FAM171A1: variants seen among roughly 807,000 people sequenced by gnomAD.
FAM171A1 encodes protein FAM171A1.
In FAM171A1, 23 loss-of-function variants were observed where a neutral mutation model predicts 74.9. The ratio of observed to expected loss-of-function variants is 0.31; its 90% CI spans 0.22 to 0.44. The LOEUF (loss-of-function observed/expected upper bound fraction) is 0.44. FAM171A1 is among the 20% of genes least tolerant of loss of function. The pLI is 1.00. For synonymous variants in FAM171A1, 527 were observed against 505.7 expected (o/e 1.04, Z -0.57); for missense variants, 1,162 against 1,159.2 (o/e 1.00, Z -0.03).
At chr10:15,226,123 CA>C (rs1428255783) in intron 5 of FAM171A1, among the ~76,000 whole-genome samples, 1 of 152,200 alleles carries the variant, frequency 6.6e-6, no homozygotes, top group Non-Finnish European at 1.5e-5. Flanking sequence ...GTGGTGAAGG[CA>C]AGCAGGACCC....
chr10:15,282,320 G>A (rs1834980401), intron 2 of FAM171A1, among the ~76,000 whole-genome samples: 1 of 152,192 alleles, frequency 6.6e-6, no homozygotes, highest in African/African-American at 2.4e-5. Context: ...AAACATGTGT[G>A]TTCGATCAGC....
chr10:15,226,183 A>G (rs1050592778), intron 5 of FAM171A1, among the ~76,000 whole-genome samples: 7 of 152,208 alleles, frequency 4.6e-5, no homozygotes, highest in African/African-American at 1.7e-4. Flanking sequence ...CTTCCTGCAG[A>G]AGCCGCACCA....
At chr10:15,248,411 T>A (rs924883229) in intron 5 of FAM171A1, among the ~76,000 whole-genome samples, 4 of 152,198 alleles carry the variant, frequency 2.6e-5, no homozygotes, top group Admixed American at 2.0e-4. Context: ...TTAGGTTAAA[T>A]GTGCAAAACA....
chr10:15,278,642 G>A (rs959379541), intron 2 of FAM171A1, among the ~76,000 whole-genome samples: 8 of 152,118 alleles, frequency 5.3e-5, no homozygotes, highest in Non-Finnish European at 1.2e-4. Context: ...AGCGAAAGAC[G>A]CCAGACACAA....
rs1199703221 is a variant in FAM171A1 at position 15,283,871 on chromosome 10, G to A, written c.325+7C>T. On this transcript the variant is annotated splice_region_variant and intron_variant, in intron 2 of 7. Coordinates refer to ENST00000378116, the MANE Select transcript of FAM171A1 (RefSeq NM_001010924.2). ...TCTGTGTTAAAGAAAGATGAGGAAC[G>A]CCTTACCAGGTAACCGGATTGGCTT... 4 of 1,613,530 alleles carry A rather than the reference G, an allele frequency of 2.5e-6. No homozygotes were observed. The highest frequency in any genetic ancestry group is 2.7e-5 in the African/African-American group (2 of 74,922).
chr10:15,310,358 TA>T (rs1336279310), intron 1 of FAM171A1, among the ~76,000 whole-genome samples: 2 of 152,152 alleles, frequency 1.3e-5, no homozygotes, highest in African/African-American at 4.8e-5. Flanking sequence ...TGGGTTGTTG[TA>T]AAGGAAAGGG....
chr10:15,295,217 C>A (rs188283321), intron 1 of FAM171A1, among the ~76,000 whole-genome samples: 2 of 152,122 alleles, frequency 1.3e-5, no homozygotes, highest in East Asian at 3.9e-4. Context: ...GGATTATAGG[C>A]GTGAGCCACC....
chr10:15,337,045 T>C (rs1564283691), intron 1 of FAM171A1, among the ~76,000 whole-genome samples: 1 of 139,820 alleles, frequency 7.2e-6, no homozygotes, highest in Non-Finnish European at 1.5e-5. Context: ...CAGTTGGCTA[T>C]TTTTTTTTTT....
chr10:15,290,648 C>G (rs530973669), intron 1 of FAM171A1, among the ~76,000 whole-genome samples: 2 of 152,190 alleles, frequency 1.3e-5, no homozygotes, highest in East Asian at 3.9e-4. Flanking sequence ...AGAAGTGCCC[C>G]AAGGAAAACT....
chr10:15,237,277 G>C (rs1393332864), intron 5 of FAM171A1, among the ~76,000 whole-genome samples: 1 of 152,044 alleles, frequency 6.6e-6, no homozygotes, highest in Non-Finnish European at 1.5e-5. Context: ...TACGTTAAGA[G>C]ACCTAAGTCC....
At chr10:15,270,065 G>A (rs1299370510) in intron 3 of FAM171A1, among the ~76,000 whole-genome samples, 8 of 152,150 alleles carry the variant, frequency 5.3e-5, no homozygotes, top group South Asian at 4.1e-4. Context: ...TGCAGCCCAC[G>A]GAGCATGGCG....
chr10:15,320,022 A>G (rs1031653845), intron 1 of FAM171A1, among the ~76,000 whole-genome samples: 1 of 152,152 alleles, frequency 6.6e-6, no homozygotes, highest in African/African-American at 2.4e-5. Context: ...TGCATGTTAC[A>G]TGAGTAAACT....
At chr10:15,336,264 G>T (rs1341022831) in intron 1 of FAM171A1, among the ~76,000 whole-genome samples, 1 of 152,066 alleles carries the variant, frequency 6.6e-6, no homozygotes, top group African/African-American at 2.4e-5. Context: ...GGGGCTTGTG[G>T]TATTATGCAC....
At chr10:15,351,592 G>GATGGATGGATGGATGA (rs1564288161) in intron 1 of FAM171A1, among the ~76,000 whole-genome samples, 1 of 54,500 alleles carries the variant, frequency 1.8e-5, no homozygotes, top group Non-Finnish European at 3.8e-5. Context: ...TGGATGGATG[G>GATGGATGGATGGATGA]ATGCATGGAT....
upstream of FAM171A1, among the ~76,000 whole-genome samples, chr10:15,373,009 T>C (rs1836168204): frequency 1.3e-5 from 2 of 152,180 alleles, no homozygotes; most frequent in African/African-American, 4.8e-5. Context: ...AGGAGGGTTA[T>C]TACTGTAATT....
chr10:15,373,690 T>G (rs1405422948), upstream of FAM171A1, among the ~76,000 whole-genome samples: 2 of 152,204 alleles, frequency 1.3e-5, no homozygotes, highest in Non-Finnish European at 2.9e-5. Flanking sequence ...GTACTATTTT[T>G]GTAACTTTTT....
At chr10:15,258,995 C>T (rs1834621993) in intron 3 of FAM171A1, among the ~76,000 whole-genome samples, 1 of 152,206 alleles carries the variant, frequency 6.6e-6, no homozygotes, top group Non-Finnish European at 1.5e-5. Flanking sequence ...TGGATTTTCC[C>T]TTGCCTTCTA....
chr10:15,241,536 A>G (rs1225750203), intron 5 of FAM171A1: 1 of 152,180 alleles, frequency 6.6e-6, no homozygotes, highest in African/African-American at 2.4e-5. Flanking sequence ...TTATTTAGGG[A>G]TGCTTACGTA....
chr10:15,255,625 G>C (rs1045596254), intron 3 of FAM171A1, among the ~76,000 whole-genome samples: 1 of 151,552 alleles, frequency 6.6e-6, no homozygotes, highest in African/African-American at 2.4e-5. Flanking sequence ...GCTTAACTTT[G>C]CTCCAAATTT....
Sources: gnomAD v4.1 joint callset for allele counts (sites outside exome capture counted in the v4.1 genomes callset) on GRCh38, gnomAD v4.1.1 for gene constraint, MANE v1.5 for transcripts, NCBI Gene and HGNC (gene_info 2026-07-23, HGNC 2026-07-21) for gene names.